Variants in STYK1 observed in about 807,000 individuals in gnomAD.
The protein encoded by STYK1 is tyrosine-protein kinase STYK1.
STYK1 carries 46 observed loss-of-function variants against 48.1 expected under a neutral mutation model. That is an observed-to-expected ratio of 0.96 (90% confidence interval 0.75 to 1.22). The LOEUF (loss-of-function observed/expected upper bound fraction) is 1.22. STYK1 is among the 50% of genes most tolerant of loss of function. The pLI, the probability that STYK1 is intolerant of heterozygous loss-of-function variation, is 0.00. For synonymous variants in STYK1, 188 were observed against 189.0 expected, an observed-to-expected ratio of 0.99 and a Z score of 0.04; for missense variants, 527 against 521.1, an observed-to-expected ratio of 1.01 and a Z score of -0.11.
chr12:10,640,343 G>C (rs1304068339), intron 1 of STYK1, among the ~76,000 whole-genome samples: 1 of 152,128 alleles, frequency 6.6e-6, no homozygotes, highest in Non-Finnish European at 1.5e-5. Context: ...GCATGGAAGG[G>C]CACACTGGAG....
At chr12:10,638,009 C>T (rs1388646261) in intron 1 of STYK1, among the ~76,000 whole-genome samples, 1 of 152,178 alleles carries the variant, frequency 6.6e-6, no homozygotes, top group African/African-American at 2.4e-5. Context: ...ATACTTTTCC[C>T]ACTATGTCAA....
rs1947494596 is a variant in STYK1, at chr12:10,637,161, G to C, written c.-159C>G. 6.6e-6 allele frequency: 1 copy of C among 152,142 alleles called. No individual in the cohort carries two copies. The highest frequency in any genetic ancestry group is 2.4e-5 in the African/African-American group (1 of 41,414). 9.4% of individuals were successfully genotyped at this position (152,142 alleles called of 1,614,324 possible). On this transcript the variant is annotated 5_prime_UTR_variant, in exon 2 of 11. Transcript: ENST00000075503. ...TACATAAGTAGTTTAAAGAGGCAAG[G>C]CTTATTGATATCTTGCAGCCCAGTG... is the stretch of plus-strand genomic sequence containing the variant.
intron 8 of STYK1, among the ~76,000 whole-genome samples, chr12:10,624,258 A>T (rs1947330657): frequency 1.3e-5 from 2 of 151,064 alleles, no homozygotes; most frequent in South Asian, 4.2e-4. Context: ...TGTCTCTAAA[A>T]AAAAAAGAAA....
chr12:10,629,814 G>T (rs1947402637), intron 5 of STYK1, 140 bp from the exon 6 acceptor site: 1 of 754,866 alleles, frequency 1.3e-6, no homozygotes. Context: ...AACACAAAGG[G>T]GACTAATTAG....
At chr12:10,629,327 A>C in intron 6 of STYK1, 166 bp downstream of exon 6, 1 of 703,360 alleles carries the variant, frequency 1.4e-6, no homozygotes, top group South Asian at 2.0e-5. Context: ...CAGTTATAGA[A>C]TATTTCTATA....
intron 7 of STYK1, among the ~76,000 whole-genome samples, chr12:10,626,039 A>T (rs1335592774): frequency 2.6e-5 from 4 of 152,222 alleles, no homozygotes; most frequent in Non-Finnish European, 5.9e-5. Context: ...GGCTGTGATT[A>T]CTAAAAAAGG....
intron 1 of STYK1, among the ~76,000 whole-genome samples, chr12:10,657,343 TTGTGTAGTCATA>T (rs887510046): frequency 6.8e-4 from 104 of 152,204 alleles, no homozygotes; most frequent in Non-Finnish European, 1.3e-3. Context: ...CTTCTGTCTG[TTGTGTAGTCATA>T]TGTGTTGTAT....
intron 6 of STYK1, among the ~76,000 whole-genome samples, chr12:10,627,966 C>T (rs1459108482): frequency 6.6e-6 from 1 of 152,180 alleles, no homozygotes; most frequent in Non-Finnish European, 1.5e-5. Flanking sequence ...ATAAATAAGA[C>T]TATCCACTGA....
rs778902636 is a variant in STYK1, at chr12:10,621,948, G to A, written c.992C>T (p.Pro331Leu). 3 of 1,613,860 alleles carry A rather than the reference G, an allele frequency of 1.9e-6. No individual in the cohort carries two copies. The highest frequency in any genetic ancestry group is 4.5e-5 in the East Asian group (2 of 44,858). The change falls in exon 10 of 11, where the codon CCT becomes CTT. Residue 331 changes from proline to leucine, a missense_variant. Transcript: ENST00000075503. Reference sequence around the variant, plus strand: ...GAGATGCTCTAGGATGCTGGTAGGAGGGACTTCAGGATACGGTGGTGCTCC... The same window carrying A: ...GAGATGCTCTAGGATGCTGGTAGGAAGGACTTCAGGATACGGTGGTGCTCC... ...TLGAPPYPEV[P>L]PTSILEHLQR...
chr12:10,620,606 C>T (rs781637288), intron 10 of STYK1, among the ~76,000 whole-genome samples: 4 of 152,166 alleles, frequency 2.6e-5, no homozygotes, highest in Non-Finnish European at 5.9e-5. Flanking sequence ...TATGACAGGA[C>T]AGTTTTATCA....
rs540422977 is a variant in STYK1, at chr12:10,634,559, G to T, written c.52+8C>A. 7.4e-6 allele frequency: 12 copies of T among 1,613,044 alleles called. No individual in the cohort carries two copies. The Admixed American group carries it at 1.8e-4, about 25-fold the overall frequency. ...CAGAGGATAGACATCTGTGGAATCC[G>T]TACTTACCACACAACTTGTCACTGA... On this transcript the variant is annotated splice_region_variant and intron_variant, in intron 3 of 10. Coordinates refer to ENST00000075503, the MANE Select transcript of STYK1 (RefSeq NM_018423.3).
intron 2 of STYK1, among the ~76,000 whole-genome samples, chr12:10,635,550 A>C (rs1448078601): frequency 6.6e-6 from 1 of 152,218 alleles, no homozygotes; most frequent in Non-Finnish European, 1.5e-5. Flanking sequence ...TATCAGTACC[A>C]AGCCACCTTC....
chr12:10,635,779 T>C (rs1040796109), intron 2 of STYK1, among the ~76,000 whole-genome samples: 4 of 152,184 alleles, frequency 2.6e-5, no homozygotes, highest in African/African-American at 7.2e-5. Flanking sequence ...TATAATATAA[T>C]CAGTACATAT....
chr12:10,630,037 G>GAGAA (rs1351800880), intron 5 of STYK1, among the ~76,000 whole-genome samples: 1 of 272 alleles, frequency 3.7e-3, no homozygotes, highest in African/African-American at 4.6e-3. Flanking sequence ...GAAGAGGAGA[G>GAGAA]AGAGAGAGAG....
intron 1 of STYK1, among the ~76,000 whole-genome samples, chr12:10,653,327 C>G (rs1367579712): frequency 6.6e-6 from 1 of 151,952 alleles, no homozygotes; most frequent in Non-Finnish European, 1.5e-5. Context: ...GCTGGGATTA[C>G]AGGCATGATC....
rs149077895 is a variant in STYK1, at chr12:10,662,732, G to C, written c.-195+11234C>G. Among the ~76,000 whole-genome samples, 396 of 152,086 alleles carry C rather than the reference G, an allele frequency of 2.6e-3. 7 individuals carry two copies. The South Asian group carries it at 0.036, about 14-fold the overall frequency. ...GGCAATTTGTCTTTTTATTGTGTAA[G>C]TACCCAGTATATAGTCCAGAAACTA... On this transcript the variant is annotated intron_variant, in intron 1 of 10. Coordinates refer to ENST00000075503, the MANE Select transcript of STYK1 (RefSeq NM_018423.3).
chr12:10,619,911 C>G lies in STYK1; in HGVS notation c.*233G>C. 8 of 600,070 alleles carry G rather than the reference C, an allele frequency of 1.3e-5. No individual in the cohort carries two copies. The South Asian group carries it at 1.7e-4, about 13-fold the overall frequency. 37.2% of individuals were successfully genotyped at this position (600,070 alleles called of 1,614,324 possible). A position where few individuals can be genotyped will look rare whatever the true frequency, so the allele number is the denominator to read the frequency against. On this transcript the variant is annotated 3_prime_UTR_variant, in exon 11 of 11. Transcript: ENST00000075503. The stretch of plus-strand genomic sequence containing the variant: ...TTTGCACAGGTCCACCACTTCTACC[C>G]AGGATTTCTAGGACTGGGACAGCAG...
chr12:10,649,263 C>T (rs1468313474), intron 1 of STYK1, among the ~76,000 whole-genome samples: 3 of 151,934 alleles, frequency 2.0e-5, no homozygotes, highest in Non-Finnish European at 2.9e-5. Flanking sequence ...AGTCATTGTA[C>T]TATTTTTGCT....
At position 10,633,862 on chromosome 12, in the gene STYK1, G is replaced by A. The variant is rs1158492073; in HGVS notation, c.187+128C>T. On this transcript the variant is annotated intron_variant, in intron 4 of 10. Transcript: ENST00000075503. Reference sequence around the variant, plus strand: ...CATCCCCCTCTCAACTCCATGGGAGGGAACCCATGCCTCTCTCATTGCAGG... The same window carrying A: ...CATCCCCCTCTCAACTCCATGGGAGAGAACCCATGCCTCTCTCATTGCAGG... 3.5e-6 allele frequency: 4 copies of A among 1,147,754 alleles called. No homozygotes were observed. The South Asian group carries it at 5.0e-5, about 14-fold the overall frequency. 71.1% of individuals were successfully genotyped at this position (1,147,754 alleles called of 1,614,324 possible).
Sources: gnomAD v4.1 joint callset for allele counts (sites outside exome capture counted in the v4.1 genomes callset) on GRCh38, gnomAD v4.1.1 for gene constraint, MANE v1.5 for transcripts, NCBI Gene and HGNC (gene_info 2026-07-23, HGNC 2026-07-21) for gene names.